The following CNTNAP2 variants were observed in gnomAD, a reference collection of about 807,000 sequenced individuals.
The protein encoded by CNTNAP2 is contactin associated protein 2, also known as contactin-associated protein-like 2.
A neutral mutation model predicts 155.2 loss-of-function variants in CNTNAP2; 98 were observed. That is an observed-to-expected ratio of 0.63 (90% confidence interval 0.54 to 0.75). CNTNAP2 has a LOEUF of 0.75. Among genes scored for constraint, CNTNAP2 ranks in the 30% least tolerant of loss-of-function variants. The pLI, the probability that CNTNAP2 is intolerant of heterozygous loss-of-function variation, is 0.00. For synonymous variants in CNTNAP2, 651 were observed against 631.2 expected (o/e 1.03, Z -0.47); for missense variants, 1,727 against 1,688.1 (o/e 1.02, Z -0.40).
At chr7:148,068,827 C>T (rs1803319088) in intron 15 of CNTNAP2, among the ~76,000 whole-genome samples, 2 of 152,144 alleles carry the variant, frequency 1.3e-5, no homozygotes, top group South Asian at 4.2e-4. Flanking sequence ...TTTTCTCTGA[C>T]CCAGGTTGTT....
chr7:147,336,845 A>G (rs1563165596), intron 9 of CNTNAP2, among the ~76,000 whole-genome samples: 1 of 152,078 alleles, frequency 6.6e-6, no homozygotes, highest in Non-Finnish European at 1.5e-5. Context: ...CTAGAACTCT[A>G]TGGAAAATTT....
At chr7:148,061,226 T>TAGAC (rs71527871) in intron 15 of CNTNAP2, among the ~76,000 whole-genome samples, 2 of 151,604 alleles carry the variant, frequency 1.3e-5, no homozygotes, top group Admixed American at 1.3e-4. Flanking sequence ...TGAAGTCTGT[T>TAGAC]AGAAAGAGAA....
chr7:148,397,246 C>A (rs1008753392), intron 22 of CNTNAP2, among the ~76,000 whole-genome samples: 1 of 152,228 alleles, frequency 6.6e-6, no homozygotes, highest in Non-Finnish European at 1.5e-5. Context: ...CATCAGTCAC[C>A]TGGGGAGCTT....
intron 21 of CNTNAP2, among the ~76,000 whole-genome samples, chr7:148,308,700 T>G (rs1481793542): frequency 4.6e-5 from 7 of 152,066 alleles, no homozygotes; most frequent in Non-Finnish European, 1.5e-5. Context: ...ACATTAGGTA[T>G]TTCTCCTAAT....
intron 8 of CNTNAP2, among the ~76,000 whole-genome samples, chr7:147,225,985 G>A (rs183731368): frequency 1.3e-5 from 2 of 150,986 alleles, no homozygotes; most frequent in African/African-American, 4.9e-5. Flanking sequence ...GAAAGAAAGA[G>A]AGAAAGAAAG....
chr7:147,240,342 A>G (rs1300194177), intron 8 of CNTNAP2, among the ~76,000 whole-genome samples: 1 of 152,252 alleles, frequency 6.6e-6, no homozygotes, highest in Non-Finnish European at 1.5e-5. Context: ...AAGAAAATGC[A>G]TAGTATTTAT....
chr7:146,653,737 G>A (rs1022281347), intron 1 of CNTNAP2, among the ~76,000 whole-genome samples: 2 of 152,098 alleles, frequency 1.3e-5, no homozygotes, highest in Non-Finnish European at 2.9e-5. Context: ...TGTTATCTTG[G>A]AAGTTAATTT....
chr7:147,111,216 G>A (rs1800872240), intron 5 of CNTNAP2, among the ~76,000 whole-genome samples: 1 of 152,012 alleles, frequency 6.6e-6, no homozygotes. Flanking sequence ...ACATTTTTAT[G>A]AGGTTGTTTT....
chr7:146,740,818 T>A lies in CNTNAP2; in HGVS notation c.98-33453T>A, dbSNP rs182354931. On this transcript the variant is annotated intron_variant, in intron 1 of 23. Coordinates refer to ENST00000361727, the MANE Select transcript of CNTNAP2 (RefSeq NM_014141.6). ...GAAGCCCACAGCCTCTGAGAATTGC[T>A]TGCTCCTGAGGGCTACCCAAAGCCT... is the stretch of plus-strand genomic sequence containing the variant. Among the ~76,000 whole-genome samples, 402 of 151,846 alleles carry A rather than the reference T, an allele frequency of 2.6e-3. 1 individual carries two copies. The highest frequency in any genetic ancestry group is 9.1e-3 in the African/African-American group (376 of 41,122).
chr7:147,189,807 C>G (rs180690130), intron 8 of CNTNAP2, among the ~76,000 whole-genome samples: 1 of 152,186 alleles, frequency 6.6e-6, no homozygotes, highest in Non-Finnish European at 1.5e-5. Flanking sequence ...TGCAGTGGCG[C>G]GATCTCGGCT....
chr7:147,531,565 T>C (rs1799431242), intron 11 of CNTNAP2, among the ~76,000 whole-genome samples: 1 of 152,150 alleles, frequency 6.6e-6, no homozygotes, highest in Non-Finnish European at 1.5e-5. Flanking sequence ...CTGGAGAGGC[T>C]GGTACACAGG....
chr7:146,839,989 T>G, intron 3 of CNTNAP2, 85 bp downstream of exon 3: 2 of 1,406,522 alleles, frequency 1.4e-6, no homozygotes, highest in Non-Finnish European at 9.9e-7. Context: ...CATATATAGT[T>G]ATCAATATTT....
At chr7:146,851,650 CTGTGTGTGTGTGTGTGTGTGTG>C (rs71165041) in intron 3 of CNTNAP2, among the ~76,000 whole-genome samples, 95 of 133,004 alleles carry the variant, frequency 7.1e-4, no homozygotes, top group Middle Eastern at 4.0e-3. Context: ...CATCTTTCTT[CTGTGTGTGTGTGTGTGTGTGTG>C]TGTGTGTGTG....
chr7:146,245,829 G>T (rs1327736075), intron 1 of CNTNAP2, among the ~76,000 whole-genome samples: 1 of 151,014 alleles, frequency 6.6e-6, no homozygotes, highest in Non-Finnish European at 1.5e-5. Context: ...AGAGAGGCTG[G>T]GATGACGGGT....
chr7:147,775,361 A>T (rs1360424920), intron 13 of CNTNAP2, among the ~76,000 whole-genome samples: 2 of 48,574 alleles, frequency 4.1e-5, no homozygotes, highest in African/African-American at 1.9e-4. Flanking sequence ...ATATATATTT[A>T]TAAATATATA....
intron 8 of CNTNAP2, among the ~76,000 whole-genome samples, chr7:147,297,766 A>G (rs753267774): frequency 1.3e-5 from 2 of 150,550 alleles, no homozygotes; most frequent in Non-Finnish European, 2.9e-5. Flanking sequence ...TGTTAGTGCA[A>G]AGAGTGAAAT....
intron 15 of CNTNAP2, among the ~76,000 whole-genome samples, chr7:148,041,921 T>C (rs112241421): frequency 1.1e-3 from 162 of 152,296 alleles, no homozygotes; most frequent in African/African-American, 3.9e-3. Context: ...GAAACTCTTC[T>C]GTACAGGCAT....
intron 15 of CNTNAP2, among the ~76,000 whole-genome samples, chr7:148,076,818 C>G (rs772711360): frequency 7.3e-4 from 111 of 152,222 alleles, no homozygotes; most frequent in Non-Finnish European, 1.4e-3. Flanking sequence ...TCACAAAAGC[C>G]TCTGCCTCCT....
intron 1 of CNTNAP2, among the ~76,000 whole-genome samples, chr7:146,118,128 G>C (rs1275594831): frequency 6.6e-6 from 1 of 152,058 alleles, no homozygotes; most frequent in African/African-American, 2.4e-5. Flanking sequence ...GAATAGCATT[G>C]AAAAAGGACA....
Sources: allele counts gnomAD v4.1 joint callset (sites outside exome capture counted in the v4.1 genomes callset), GRCh38; gene constraint gnomAD v4.1.1; transcripts MANE v1.5; gene names NCBI Gene and HGNC (gene_info 2026-07-23, HGNC 2026-07-21).